MAP7: variants seen among roughly 807,000 people sequenced by gnomAD.
MAP7 encodes the protein ensconsin.
Under a neutral mutation model 94.8 loss-of-function variants are expected in MAP7, and 52 were observed. That is an observed-to-expected ratio of 0.55 (90% confidence interval 0.44 to 0.69). The LOEUF (loss-of-function observed/expected upper bound fraction) is 0.69, where lower values mean the gene tolerates loss of function less well. Among genes scored for constraint, MAP7 ranks in the 30% least tolerant of loss-of-function variants. The probability of loss-of-function intolerance (pLI) is 0.00; values close to 1 mark genes in which losing one functional copy is unlikely to be tolerated. For synonymous variants in MAP7, 350 were observed against 357.0 expected (o/e 0.98, Z 0.22); for missense variants, 940 against 964.6 (o/e 0.97, Z 0.34).
intron 7 of MAP7, among the ~76,000 whole-genome samples, chr6:136,376,333 CA>C (rs60039400): frequency 0.093 from 14,211 of 152,044 alleles, 1,403 homozygotes; most frequent in East Asian, 0.27. Flanking sequence ...TTCCTGACCT[CA>C]ACGATCTGCC....
chr6:136,479,361 C>A (rs1302041617), intron 1 of MAP7, among the ~76,000 whole-genome samples: 1 of 152,142 alleles, frequency 6.6e-6, no homozygotes, highest in East Asian at 1.9e-4. Flanking sequence ...CATACCTTAA[C>A]ATAATAAAAG....
At position 136,366,419 on chromosome 6, in the gene MAP7, C is replaced by T. The variant is rs188118977; in HGVS notation, c.897G>A (p.Glu299=). Residue 299 remains glutamate, a synonymous_variant, in exon 9 of 18, where the codon GAG becomes GAA. Transcript: ENST00000354570. ...ATGTGAGGAAGAGTACATTTTCTCTCTCTCTTTCTTTTTTATAGCTCTAAG... is the reference window on the plus strand; with the variant it reads ...ATGTGAGGAAGAGTACATTTTCTCTTTCTCTTTCTTTTTTATAGCTCTAAG... ...HGTASYKKER[E]RENVLFLTSG... 193 of 1,613,464 alleles carry T rather than the reference C, an allele frequency of 1.2e-4. No individual in the cohort carries two copies. The East Asian group carries it at 3.8e-3, about 32-fold the overall frequency.
At chr6:136,470,028 T>C (rs891215164) in intron 1 of MAP7, among the ~76,000 whole-genome samples, 3 of 152,036 alleles carry the variant, frequency 2.0e-5, no homozygotes, top group Non-Finnish European at 4.4e-5. Context: ...GTCAAGTTCA[T>C]GATTCAACAG....
At chr6:136,541,198 C>T (rs920451859) in intron 1 of MAP7, among the ~76,000 whole-genome samples, 1 of 152,082 alleles carries the variant, frequency 6.6e-6, no homozygotes, top group Non-Finnish European at 1.5e-5. Flanking sequence ...AAAAGTTTTG[C>T]TACAGGAACA....
intron 1 of MAP7, among the ~76,000 whole-genome samples, chr6:136,450,784 C>CAA (rs199850506): frequency 1.4e-5 from 2 of 138,170 alleles, no homozygotes; most frequent in East Asian, 2.0e-4. Context: ...AACTCCATCT[C>CAA]AAAAAAAAAA....
intron 1 of MAP7, among the ~76,000 whole-genome samples, chr6:136,501,311 T>C (rs1354937474): frequency 6.6e-6 from 1 of 152,202 alleles, no homozygotes; most frequent in Non-Finnish European, 1.5e-5. Context: ...CCAGTTCTTA[T>C]ATTCTTATCA....
intron 1 of MAP7, among the ~76,000 whole-genome samples, chr6:136,514,298 CT>C (rs1824108297): frequency 6.6e-6 from 1 of 151,904 alleles, no homozygotes; most frequent in Non-Finnish European, 1.5e-5. Context: ...CATTAACCTC[CT>C]TGTGGCCGGG....
intron 1 of MAP7, among the ~76,000 whole-genome samples, chr6:136,432,122 T>A (rs1795106225): frequency 6.6e-6 from 1 of 152,128 alleles, no homozygotes; most frequent in Non-Finnish European, 1.5e-5. Context: ...AACTCTTCAC[T>A]TCTATGTTCC....
intron 1 of MAP7, among the ~76,000 whole-genome samples, chr6:136,478,355 G>T (rs1218590396): frequency 6.6e-6 from 1 of 152,106 alleles, no homozygotes; most frequent in African/African-American, 2.4e-5. Context: ...GGCCAAGGTG[G>T]GAGGATGGCT....
At chr6:136,410,469 AC>A (rs1446091025) in intron 3 of MAP7, among the ~76,000 whole-genome samples, 1 of 152,198 alleles carries the variant, frequency 6.6e-6, no homozygotes, top group Non-Finnish European at 1.5e-5. Flanking sequence ...AGCCCTGGTG[AC>A]CACAGACAGC....
At chr6:136,406,769 T>C (rs1247057835) in intron 3 of MAP7, among the ~76,000 whole-genome samples, 1 of 152,090 alleles carries the variant, frequency 6.6e-6, no homozygotes. Context: ...TGCAGTGAGC[T>C]GAGATCATGC....
At chr6:136,515,406 G>C (rs1422348701) in intron 1 of MAP7, among the ~76,000 whole-genome samples, 2 of 152,148 alleles carry the variant, frequency 1.3e-5, no homozygotes, top group Non-Finnish European at 2.9e-5. Context: ...CTTTTCCTCT[G>C]CATTCACATC....
intron 3 of MAP7, among the ~76,000 whole-genome samples, chr6:136,403,566 A>G (rs1224017416): frequency 6.6e-6 from 1 of 152,240 alleles, no homozygotes; most frequent in Non-Finnish European, 1.5e-5. Flanking sequence ...TGTACTAGCA[A>G]GAAAGAGCTG....
At chr6:136,491,974 C>T (rs777418528) in intron 1 of MAP7, among the ~76,000 whole-genome samples, 1 of 152,040 alleles carries the variant, frequency 6.6e-6, no homozygotes, top group Non-Finnish European at 1.5e-5. Flanking sequence ...CTGGGGAGAG[C>T]GGGGGGAAAT....
At chr6:136,406,675 G>A (rs1785715204) in intron 3 of MAP7, among the ~76,000 whole-genome samples, 1 of 152,140 alleles carries the variant, frequency 6.6e-6, no homozygotes, top group South Asian at 2.1e-4. Context: ...ACAAAAATTA[G>A]CTGGGCGTGG....
At chr6:136,415,222 T>A (rs1788984356) in intron 2 of MAP7, among the ~76,000 whole-genome samples, 1 of 152,218 alleles carries the variant, frequency 6.6e-6, no homozygotes, top group Admixed American at 6.5e-5. Context: ...GTGCTGGGAT[T>A]ACAGGCATAA....
At chr6:136,381,452 A>G (rs1167064201) in intron 6 of MAP7, among the ~76,000 whole-genome samples, 1 of 152,160 alleles carries the variant, frequency 6.6e-6, no homozygotes, top group African/African-American at 2.4e-5. Context: ...AGTGCTGGAA[A>G]TACAGGTGTG....
At chr6:136,513,709 T>C (rs1562478387) in intron 1 of MAP7, among the ~76,000 whole-genome samples, 1 of 152,264 alleles carries the variant, frequency 6.6e-6, no homozygotes, top group East Asian at 1.9e-4. Flanking sequence ...CCTCAATGTG[T>C]ACTCAGAAGT....
At chr6:136,453,727 T>A (rs377628053) in intron 1 of MAP7, among the ~76,000 whole-genome samples, 1 of 152,238 alleles carries the variant, frequency 6.6e-6, no homozygotes, top group East Asian at 1.9e-4. Flanking sequence ...TATGTTGATA[T>A]GGAGGTACTG....
Sources: allele counts gnomAD v4.1 joint callset (sites outside exome capture counted in the v4.1 genomes callset), GRCh38; gene constraint gnomAD v4.1.1; transcripts MANE v1.5; gene names NCBI Gene and HGNC (gene_info 2026-07-23, HGNC 2026-07-21).